TPMT: variants seen among roughly 807,000 people sequenced by gnomAD.
The protein encoded by TPMT is thiopurine S-methyltransferase.
A neutral mutation model predicts 34.2 loss-of-function variants in TPMT; 18 were observed. That is an observed-to-expected ratio of 0.53 (90% confidence interval 0.36 to 0.78). TPMT has a LOEUF of 0.78. TPMT is among the 30% of genes least tolerant of loss of function. The probability of loss-of-function intolerance (pLI) is 0.00; values close to 1 mark genes in which losing one functional copy is unlikely to be tolerated. For synonymous variants in TPMT, 69 were observed against 92.4 expected, an observed-to-expected ratio of 0.75 and a Z score of 1.45; for missense variants, 265 against 288.1, an observed-to-expected ratio of 0.92 and a Z score of 0.58.
upstream of TPMT, chr6:18,155,152 TCCGCCCGCGC>T (rs1784476588): frequency 3.0e-5 from 1 of 33,108 alleles, no homozygotes; most frequent in East Asian, 5.2e-4. This position sits in a 1 kb window ranked among gnomAD's most constrained non-coding sequence, Gnocchi z 6.2. Flanking sequence ...GCGCCCCGCC[TCCGCCCGCGC>T]CCCGCCTCCG....
At position 18,146,512 on chromosome 6, in the gene TPMT, C is replaced by T. The variant is rs1330701427; in HGVS notation, c.233+1311G>A. On this transcript the variant is annotated intron_variant, in intron 3 of 8. Transcript: ENST00000309983. The surrounding 1 kb of genome is among the most constrained non-coding windows in gnomAD (Gnocchi z 6.2). ...GATATTTTTTGTAATGTCTTTATTA[C>T]AAATGGCTTTAGACCCCAAATATTC... Among the ~76,000 whole-genome samples the T allele has an allele frequency of 6.6e-6, 1 of 152,134 alleles. No individual in the cohort carries two copies. Among genetic ancestry groups the T allele is most frequent in the Admixed American group, 6.6e-5 (1 of 15,264 alleles).
Position 18,146,255 on chromosome 6 carries a change from G to C in TPMT, c.233+1568C>G, listed in dbSNP as rs1784246322. On this transcript the variant is annotated intron_variant, in intron 3 of 8. Transcript: ENST00000309983. This position sits in a 1 kb window ranked among gnomAD's most constrained non-coding sequence, Gnocchi z 6.2. ...AGACAGAGTCTCACTCTGTCACCTAGGCTGGAGTGCATGGGCTCATTGCAA... is the reference window on the plus strand; with the variant it reads ...AGACAGAGTCTCACTCTGTCACCTACGCTGGAGTGCATGGGCTCATTGCAA... Among the ~76,000 whole-genome samples the C allele has an allele frequency of 6.6e-6, 1 of 151,778 alleles. No homozygotes were observed. Among genetic ancestry groups the C allele is most frequent in the South Asian group, 2.1e-4 (1 of 4,810 alleles).
At chr6:18,134,609 G>A (rs1015451524) in intron 6 of TPMT, among the ~76,000 whole-genome samples, 19 of 152,190 alleles carry the variant, frequency 1.2e-4, no homozygotes, top group African/African-American at 3.4e-4. Context: ...TCAATAGACT[G>A]AGCAGAAGCC....
In TPMT at chr6:18,136,070, C is replaced by T. The variant is rs576611830; in HGVS notation, c.495-2181G>A. ...CCTCAGCCTCCCAAAGTGCTGGGTC[C>T]GCTCTTGGTCTGCACGTGGTGACTT... On this transcript the variant is annotated intron_variant, in intron 6 of 8. Transcript: ENST00000309983. The surrounding 1 kb of genome is among the most constrained non-coding windows in gnomAD (Gnocchi z 4.7). Among the ~76,000 whole-genome samples, 133 of 152,234 alleles carry T rather than the reference C, an allele frequency of 8.7e-4. No individual in the cohort carries two copies. Among genetic ancestry groups the T allele is most frequent in the African/African-American group, 3.0e-3 (123 of 41,556 alleles).
chr6:18,138,920 T>C lies in TPMT; in HGVS notation c.494+43A>G, dbSNP rs1213776872. 2 of 1,544,848 alleles carry C rather than the reference T, an allele frequency of 1.3e-6. No individual in the cohort carries two copies. Among genetic ancestry groups the C allele is most frequent in the African/African-American group, 1.4e-5 (1 of 73,098 alleles). On this transcript the variant is annotated intron_variant, in intron 6 of 8. Transcript: ENST00000309983. This position sits in a 1 kb window ranked among gnomAD's most constrained non-coding sequence, Gnocchi z 4.1. ...AGAACCCAGAAAAAGTATAGTATAC[T>C]AAAAAATTAAGACAGCTAAACAAAA...
In TPMT at chr6:18,128,370, TTCCA is replaced by T. The variant is rs1783864829; in HGVS notation, c.*2294_*2297del. On this transcript the variant is annotated 3_prime_UTR_variant, in exon 9 of 9. Transcript: ENST00000309983. This position sits in a 1 kb window ranked among gnomAD's most constrained non-coding sequence, Gnocchi z 4.6. ...TAAAATAATTTACATGTGGTATATC[TTCCA>T]TCTTGAGATTTTAGGAAGTCAGTAT... 6.6e-6 allele frequency: 1 copy of T among 152,208 alleles called. No homozygotes were observed. Among genetic ancestry groups the T allele is most frequent in the African/African-American group, 2.4e-5 (1 of 41,446 alleles). The allele number at this position is 152,208 out of a possible 1,614,324, so 9.4% of individuals were successfully genotyped here.
At position 18,145,298 on chromosome 6, in the gene TPMT, G is replaced by A. The variant is rs1330847212; in HGVS notation, c.234-1570C>T. ...ATAACAGTTTTATACATGTTAAATGGTTGAGAAATAGATAAATACTACAAT... is the reference window on the plus strand; with the variant it reads ...ATAACAGTTTTATACATGTTAAATGATTGAGAAATAGATAAATACTACAAT... On this transcript the variant is annotated intron_variant, in intron 3 of 8. Transcript: ENST00000309983. The surrounding 1 kb of genome is among the most constrained non-coding windows in gnomAD (Gnocchi z 5.6). Among the ~76,000 whole-genome samples, 4 of 152,136 alleles carry A rather than the reference G, an allele frequency of 2.6e-5. No individual in the cohort carries two copies. The highest frequency in any genetic ancestry group is 5.9e-5 in the Non-Finnish European group (4 of 68,024).
rs544066731 is a variant in TPMT at position 18,139,193 on chromosome 6, G to A, written c.420-156C>T. Among the ~76,000 whole-genome samples, 75 of 152,316 alleles carry A rather than the reference G, an allele frequency of 4.9e-4. No individual in the cohort carries two copies. In the South Asian group the frequency reaches 0.011, roughly 22 times the overall value. ...CCTAGAGGAATGTGTGGACCTGGGT[G>A]TGGAGAGCTGTCCATCCCCTCATGG... On this transcript the variant is annotated intron_variant, in intron 5 of 8. Transcript: ENST00000309983. The surrounding 1 kb of genome is among the most constrained non-coding windows in gnomAD (Gnocchi z 4.2).
At chr6:18,147,432 CA>C (rs1172741616) in intron 3 of TPMT, among the ~76,000 whole-genome samples, 2 of 152,118 alleles carry the variant, frequency 1.3e-5, no homozygotes, top group African/African-American at 4.8e-5. Flanking sequence ...ATTGTCCTGC[CA>C]AAAAGCTGTA....
At position 18,138,935 on chromosome 6, in the gene TPMT, G is replaced by A. The variant is rs941769105; in HGVS notation, c.494+28C>T. The stretch of plus-strand genomic sequence containing the variant: ...TATAGTATACTAAAAAATTAAGACA[G>A]CTAAACAAAAAAAGAAAAATTACTT... On this transcript the variant is annotated intron_variant, in intron 6 of 8. Transcript: ENST00000309983. This position sits in a 1 kb window ranked among gnomAD's most constrained non-coding sequence, Gnocchi z 4.1. The A allele has an allele frequency of 6.3e-7, 1 of 1,595,150 alleles. No homozygotes were observed. The highest frequency in any genetic ancestry group is 2.2e-5 in the East Asian group (1 of 44,790).
At position 18,135,436 on chromosome 6, in the gene TPMT, C is replaced by T. The variant is rs1352002310; in HGVS notation, c.495-1547G>A. 6.6e-6 allele frequency among the ~76,000 whole-genome samples: 1 copy of T among 152,212 alleles called. No individual in the cohort carries two copies. The highest frequency in any genetic ancestry group is 1.5e-5 in the Non-Finnish European group (1 of 68,048). On this transcript the variant is annotated intron_variant, in intron 6 of 8. Transcript: ENST00000309983. The surrounding 1 kb of genome is among the most constrained non-coding windows in gnomAD (Gnocchi z 5.0). ...AACTCGAGAGTCACAGCAGAAAATA[C>T]ATCAGTACTTGACAATGTACAATCT...
At chr6:18,137,415 G>A (rs1257010281) in intron 6 of TPMT, among the ~76,000 whole-genome samples, 2 of 152,142 alleles carry the variant, frequency 1.3e-5, no homozygotes, top group Non-Finnish European at 1.5e-5. Context: ...GATTACAGGC[G>A]TGAGCCACTG....
Position 18,155,075 on chromosome 6 carries a change from G to A in TPMT, c.-87C>T, listed in dbSNP as rs1478647522. The A allele has an allele frequency of 2.0e-5, 3 of 151,572 alleles. No individual in the cohort carries two copies. Among genetic ancestry groups the A allele is most frequent in the Non-Finnish European group, 4.4e-5 (3 of 68,050 alleles). The allele number at this position is 151,572 out of a possible 1,614,324, so 9.4% of individuals were successfully genotyped here. On this transcript the variant is annotated 5_prime_UTR_variant, in exon 1 of 9. Coordinates refer to ENST00000309983, the MANE Select transcript of TPMT (RefSeq NM_000367.5). The surrounding 1 kb of genome is among the most constrained non-coding windows in gnomAD (Gnocchi z 6.2). ...GCCGGCCATTGCCTCCGCCACCAAT[G>A]ACGTCCCCAGGGGCGGGTACGCCTC...
chr6:18,148,959 TTCTC>T lies in TPMT; in HGVS notation c.140+25_140+28del. On this transcript the variant is annotated intron_variant, in intron 2 of 8. Transcript: ENST00000309983. The surrounding 1 kb of genome is among the most constrained non-coding windows in gnomAD (Gnocchi z 4.1). Reference sequence around the variant, plus strand: ...TCAAAGTCACTTTTTGATAGAACATTTCTCTATTGTATACCAAATATTTCTTACT... The same window carrying T: ...TCAAAGTCACTTTTTGATAGAACATTTATTGTATACCAAATATTTCTTACT... 1 of 1,612,380 alleles carries T rather than the reference TTCTC, an allele frequency of 6.2e-7. No homozygotes were observed. Among genetic ancestry groups the T allele is most frequent in the Non-Finnish European group, 8.5e-7 (1 of 1,179,824 alleles).
rs1397579462 is a variant in TPMT at position 18,132,597 on chromosome 6, C to T, written c.581-420G>A. Among the ~76,000 whole-genome samples, 2 of 152,114 alleles carry T rather than the reference C, an allele frequency of 1.3e-5. No individual in the cohort carries two copies. Among genetic ancestry groups the T allele is most frequent in the Non-Finnish European group, 2.9e-5 (2 of 68,020 alleles). ...CTTCTAAGAGCAGTATCCTCAGACT[C>T]CACCTCCAGACAGGGCCTGCTGTAT... On this transcript the variant is annotated intron_variant, in intron 7 of 8. Coordinates refer to ENST00000309983, the MANE Select transcript of TPMT (RefSeq NM_000367.5). This position sits in a 1 kb window ranked among gnomAD's most constrained non-coding sequence, Gnocchi z 4.8.
Position 18,153,912 on chromosome 6 carries a change from A to C in TPMT, c.-45+1121T>G, listed in dbSNP as rs183076090. On this transcript the variant is annotated intron_variant, in intron 1 of 8. Transcript: ENST00000309983. This position sits in a 1 kb window ranked among gnomAD's most constrained non-coding sequence, Gnocchi z 4.2. The stretch of plus-strand genomic sequence containing the variant: ...ACTGTCTAACAAAATCATGCACATA[A>C]CTTAATCATGTCTTAGTTGTTTGTT... Among the ~76,000 whole-genome samples, 1 of 152,274 alleles carries C rather than the reference A, an allele frequency of 6.6e-6. No individual in the cohort carries two copies. Among genetic ancestry groups the C allele is most frequent in the Admixed American group, 6.5e-5 (1 of 15,280 alleles).
chr6:18,134,173 CCTT>C (rs1214791227), intron 6 of TPMT, among the ~76,000 whole-genome samples: 1 of 152,160 alleles, frequency 6.6e-6, no homozygotes, highest in Non-Finnish European at 1.5e-5. Flanking sequence ...GGTAGAGACT[CCTT>C]CTGGCCTGAT....
rs901477858 is a variant in TPMT at position 18,138,460 on chromosome 6, G to A, written c.494+503C>T. Among the ~76,000 whole-genome samples the A allele has an allele frequency of 1.6e-4, 24 of 152,072 alleles. No individual in the cohort carries two copies. The highest frequency in any genetic ancestry group is 5.3e-4 in the African/African-American group (22 of 41,488). ...TTTAAAAATATTTTGTAGAGGTGGCGTCTTGCTTTGTTGCCCAGACTGGTC... is the reference window on the plus strand; with the variant it reads ...TTTAAAAATATTTTGTAGAGGTGGCATCTTGCTTTGTTGCCCAGACTGGTC... On this transcript the variant is annotated intron_variant, in intron 6 of 8. Coordinates refer to ENST00000309983, the MANE Select transcript of TPMT (RefSeq NM_000367.5). This position sits in a 1 kb window ranked among gnomAD's most constrained non-coding sequence, Gnocchi z 4.1.
Position 18,149,900 on chromosome 6 carries a change from C to G in TPMT, c.-44-729G>C, listed in dbSNP as rs182862027. 1.5e-3 allele frequency among the ~76,000 whole-genome samples: 221 copies of G among 152,352 alleles called. 2 individuals carry two copies. Among genetic ancestry groups the G allele is most frequent in the African/African-American group, 4.8e-3 (198 of 41,580 alleles). On this transcript the variant is annotated intron_variant, in intron 1 of 8. Coordinates refer to ENST00000309983, the MANE Select transcript of TPMT (RefSeq NM_000367.5). The surrounding 1 kb of genome is among the most constrained non-coding windows in gnomAD (Gnocchi z 5.0). The stretch of plus-strand genomic sequence containing the variant: ...TATCTTAATATTAGTGTTTCCTCTG[C>G]TCTCACACCCCAATCATCAACACAC...
Sources: gnomAD v4.1 joint callset for allele counts (sites outside exome capture counted in the v4.1 genomes callset) on GRCh38, gnomAD v4.1.1 for gene constraint, Gnocchi (gnomAD v3.1) non-coding constraint, MANE v1.5 for transcripts, NCBI Gene and HGNC (gene_info 2026-07-23, HGNC 2026-07-21) for gene names.